The following RANBP2 variants were observed in gnomAD, a reference collection of about 807,000 sequenced individuals.
RANBP2 encodes the protein RAN binding protein 2.
A neutral mutation model predicts 303.6 loss-of-function variants in RANBP2; 57 were observed. That is an observed-to-expected ratio of 0.19 (90% CI 0.15 to 0.23). RANBP2 has a LOEUF of 0.23. RANBP2 is among the 10% of genes least tolerant of loss of function. The pLI is 1.00. For missense variants in RANBP2, 3,138 were observed against 3,780.8 expected (o/e 0.83, Z 4.46); for synonymous variants, 1,167 against 1,301.5 (o/e 0.90, Z 2.23).
the RANBP2 span, among the ~76,000 whole-genome samples, chr2:109,474,399 C>T: frequency 6.6e-6 from 1 of 152,142 alleles, no homozygotes; most frequent in East Asian, 1.9e-4. Context: ...AAAGCTCTCC[C>T]CCTAACAGAG....
the RANBP2 span, among the ~76,000 whole-genome samples, chr2:108,813,298 G>T: frequency 6.8e-6 from 1 of 147,060 alleles, no homozygotes; most frequent in African/African-American, 2.5e-5. Context: ...GGAAAGCCAG[G>T]AAGATTTCTC....
At chr2:109,222,674 G>A in the RANBP2 span, among the ~76,000 whole-genome samples, 1 of 152,212 alleles carries the variant, frequency 6.6e-6, no homozygotes, top group African/African-American at 2.4e-5. Flanking sequence ...GCCTGGCCAG[G>A]CCTTCCCTGT....
chr2:109,432,624 C>G, the RANBP2 span: 574 of 1,612,940 alleles, frequency 3.6e-4, 1 homozygote, highest in Middle Eastern at 9.9e-4. Context: ...CTCTGAGGAC[C>G]GGGGTCTCTG....
At chr2:109,596,962 A>G in the RANBP2 span, among the ~76,000 whole-genome samples, 1 of 152,182 alleles carries the variant, frequency 6.6e-6, no homozygotes, top group Non-Finnish European at 1.5e-5. Context: ...AGTTATTTTT[A>G]AAACAGGTTC....
At chr2:109,522,225 ATC>A in the RANBP2 span, among the ~76,000 whole-genome samples, 1,493 of 151,822 alleles carry the variant, frequency 9.8e-3, 32 homozygotes, top group African/African-American at 0.034. Context: ...GCACATTAGC[ATC>A]TGAGAAGAAA....
At chr2:109,176,606 A>T in the RANBP2 span, among the ~76,000 whole-genome samples, 1 of 152,068 alleles carries the variant, frequency 6.6e-6, no homozygotes, top group Admixed American at 6.5e-5. Flanking sequence ...GTGTGGTGGC[A>T]CATGCCTGTA....
the RANBP2 span, among the ~76,000 whole-genome samples, chr2:109,549,847 G>A: frequency 6.6e-6 from 1 of 152,174 alleles, no homozygotes; most frequent in Non-Finnish European, 1.5e-5. Context: ...AAAGTTGTGT[G>A]AATGTGGTCT....
At chr2:109,507,486 C>T in the RANBP2 span, among the ~76,000 whole-genome samples, 11,012 of 152,246 alleles carry the variant, frequency 0.072, 669 homozygotes, top group African/African-American at 0.17. Flanking sequence ...GTCCCAGCAT[C>T]TGAGGCTGGC....
At chr2:109,006,779 C>T in the RANBP2 span, among the ~76,000 whole-genome samples, 2 of 152,186 alleles carry the variant, frequency 1.3e-5, no homozygotes, top group African/African-American at 4.8e-5. Flanking sequence ...AGGCACTGCC[C>T]GTCCTCCAAG....
the RANBP2 span, among the ~76,000 whole-genome samples, chr2:109,161,647 T>G: frequency 0.012 from 1,803 of 151,992 alleles, 8 homozygotes; most frequent in Middle Eastern, 0.024. Context: ...TCAGGCTACT[T>G]CTGCTTGTGG....
chr2:108,740,249 G>A (rs1335094069), intron 6 of RANBP2, among the ~76,000 whole-genome samples: 4 of 152,136 alleles, frequency 2.6e-5, no homozygotes, highest in Non-Finnish European at 1.5e-5. Flanking sequence ...TCCTGTGATT[G>A]GAGGGCTGGA....
chr2:109,064,019 C>T, the RANBP2 span, among the ~76,000 whole-genome samples: 10 of 152,278 alleles, frequency 6.6e-5, no homozygotes, highest in East Asian at 1.5e-3. Context: ...GGATTCTAGG[C>T]GTGCTGCACT....
the RANBP2 span, among the ~76,000 whole-genome samples, chr2:108,972,271 T>C: frequency 6.6e-6 from 1 of 152,254 alleles, no homozygotes; most frequent in Non-Finnish European, 1.5e-5. Flanking sequence ...GAGACCAACT[T>C]CTGTTCCACA....
the RANBP2 span, among the ~76,000 whole-genome samples, chr2:109,661,931 C>T: frequency 1.3e-5 from 2 of 152,174 alleles, no homozygotes; most frequent in Non-Finnish European, 2.9e-5. Flanking sequence ...GATCCATCTT[C>T]CAGTAAGTTT....
At chr2:109,613,615 G>C in the RANBP2 span, 1 of 336,922 alleles carries the variant, frequency 3.0e-6, no homozygotes, top group African/African-American at 2.2e-5. Context: ...AGGCTCCGCA[G>C]AGGCTCCTCT....
the RANBP2 span, among the ~76,000 whole-genome samples, chr2:109,256,229 G>A: frequency 6.6e-6 from 1 of 152,192 alleles, no homozygotes. Flanking sequence ...CCCCACAGTT[G>A]GAGAGCCTGC....
At chr2:109,586,926 G>C in the RANBP2 span, among the ~76,000 whole-genome samples, 4 of 152,138 alleles carry the variant, frequency 2.6e-5, no homozygotes, top group African/African-American at 9.7e-5. Flanking sequence ...CAAAGTTCAA[G>C]ACTCTGCAGA....
chr2:109,683,976 C>G, the RANBP2 span, among the ~76,000 whole-genome samples: 4 of 151,728 alleles, frequency 2.6e-5, no homozygotes, highest in Non-Finnish European at 5.9e-5. Context: ...GAGTCTCGCT[C>G]TCTCCCCCAG....
chr2:108,968,700 T>C, the RANBP2 span, among the ~76,000 whole-genome samples: 1 of 152,192 alleles, frequency 6.6e-6, no homozygotes, highest in Non-Finnish European at 1.5e-5. Flanking sequence ...CCCTTTACTC[T>C]GGGTAGCCCT....
Sources: allele counts gnomAD v4.1 joint callset (sites outside exome capture counted in the v4.1 genomes callset), GRCh38; gene constraint gnomAD v4.1.1; transcripts MANE v1.5; gene names NCBI Gene and HGNC (gene_info 2026-07-23, HGNC 2026-07-21).